Variants in ZC3H12B observed in about 807,000 individuals in gnomAD.
ZC3H12B encodes the protein probable ribonuclease ZC3H12B.
A neutral mutation model predicts 43.9 loss-of-function variants in ZC3H12B; 7 were observed. That is an observed-to-expected ratio of 0.16 (90% CI 0.09 to 0.30). The LOEUF is 0.30. Among genes scored for constraint, ZC3H12B ranks in the 10% least tolerant of loss-of-function variants. The pLI is 1.00. For synonymous variants in ZC3H12B, 222 were observed against 241.7 expected (o/e 0.92, Z 0.76); for missense variants, 475 against 670.2 (o/e 0.71, Z 3.22).
At chrX:65,454,164 C>T (rs971431722) in intron 3 of ZC3H12B, among the ~76,000 whole-genome samples, 3 of 112,666 alleles carry the variant, frequency 2.7e-5, no homozygotes, top group African/African-American at 9.7e-5. Context: ...GTGCAGTGCA[C>T]CAAGCCTGAG....
the ZC3H12B span, among the ~76,000 whole-genome samples, chrX:65,235,165 G>A: frequency 4.7e-4 from 52 of 111,716 alleles, no homozygotes; most frequent in East Asian, 0.01. Flanking sequence ...ATGCATGCAT[G>A]TATCTTTATA....
At chrX:65,052,449 T>C in the ZC3H12B span, among the ~76,000 whole-genome samples, 1 of 110,676 alleles carries the variant, frequency 9.0e-6, no homozygotes, top group African/African-American at 3.3e-5. Flanking sequence ...CCATTAAACA[T>C]ACCCACCTCC....
the ZC3H12B span, among the ~76,000 whole-genome samples, chrX:65,193,971 A>T: frequency 3.6e-5 from 4 of 110,684 alleles, no homozygotes; most frequent in Non-Finnish European, 7.6e-5. Context: ...CAGAAGGCAA[A>T]TGGGGAGCCA....
intron 2 of ZC3H12B, 29 bp from the exon 8 acceptor site, chrX:65,498,970 C>A (rs776231247): frequency 9.1e-7 from 1 of 1,095,777 alleles, no homozygotes; most frequent in Non-Finnish European, 1.3e-6. Flanking sequence ...ATGATTTCTG[C>A]TCTGTGGCAT....
the ZC3H12B span, among the ~76,000 whole-genome samples, chrX:65,253,228 G>T: frequency 6.2e-5 from 7 of 112,006 alleles, no homozygotes; most frequent in Non-Finnish European, 1.1e-4. Context: ...ACAGATGCTG[G>T]GCTGAAGGAG....
At chrX:65,252,470 A>G in the ZC3H12B span, among the ~76,000 whole-genome samples, 1 of 112,012 alleles carries the variant, frequency 8.9e-6, no homozygotes, top group Non-Finnish European at 1.9e-5. Flanking sequence ...ATTAATACAC[A>G]CAAAATCCCT....
intron 3 of ZC3H12B, among the ~76,000 whole-genome samples, chrX:65,477,242 G>A (rs949026826): frequency 9.1e-6 from 1 of 109,518 alleles, no homozygotes; most frequent in Non-Finnish European, 1.9e-5. Flanking sequence ...CCAAGGCAGG[G>A]TCATCAGGAG....
At chrX:65,180,986 T>C in the ZC3H12B span, among the ~76,000 whole-genome samples, 1 of 111,298 alleles carries the variant, frequency 9.0e-6, no homozygotes, top group African/African-American at 3.3e-5. Context: ...GGCACCACGC[T>C]ACCTGACTTC....
chrX:65,221,767 A>C, the ZC3H12B span, among the ~76,000 whole-genome samples: 1 of 111,516 alleles, frequency 9.0e-6, no homozygotes, highest in Non-Finnish European at 1.9e-5. Context: ...TCAGGCATTC[A>C]AAGAAGAATT....
chrX:65,441,317 C>T (rs1429407660), intron 3 of ZC3H12B, among the ~76,000 whole-genome samples: 2 of 112,029 alleles, frequency 1.8e-5, no homozygotes, highest in Non-Finnish European at 3.8e-5. Flanking sequence ...TTAAATTGAG[C>T]GAGATGAATT....
chrX:65,159,721 G>A, the ZC3H12B span, among the ~76,000 whole-genome samples: 1 of 111,857 alleles, frequency 8.9e-6, no homozygotes, highest in Admixed American at 9.5e-5. Context: ...GGGACAATTT[G>A]ACTCCCTCTT....
chrX:65,212,980 A>G, the ZC3H12B span, among the ~76,000 whole-genome samples: 1 of 107,020 alleles, frequency 9.3e-6, no homozygotes, highest in Non-Finnish European at 1.9e-5. Flanking sequence ...TAATGCCATT[A>G]TTTGTTTTTG....
At chrX:65,414,996 G>T (rs960974391) in intron 3 of ZC3H12B, among the ~76,000 whole-genome samples, 1 of 112,172 alleles carries the variant, frequency 8.9e-6, no homozygotes, top group Non-Finnish European at 1.9e-5. Flanking sequence ...CATGTGGTTG[G>T]GCTACAGCTT....
At chrX:65,194,882 ATCT>A in the ZC3H12B span, among the ~76,000 whole-genome samples, 1 of 111,972 alleles carries the variant, frequency 8.9e-6, no homozygotes, top group South Asian at 3.7e-4. Context: ...AAATTGTGAT[ATCT>A]TCTTCCTCAA....
At chrX:65,333,704 T>C in the ZC3H12B span, among the ~76,000 whole-genome samples, 1 of 111,546 alleles carries the variant, frequency 9.0e-6, no homozygotes, top group African/African-American at 3.3e-5. Flanking sequence ...GAAACCTGCA[T>C]TTAAAAACAC....
At chrX:65,418,850 A>T (rs1455289158) in intron 3 of ZC3H12B, among the ~76,000 whole-genome samples, 2 of 111,780 alleles carry the variant, frequency 1.8e-5, no homozygotes, top group Non-Finnish European at 3.8e-5. Flanking sequence ...GAACCCTGGT[A>T]TACTACTGAA....
the ZC3H12B span, among the ~76,000 whole-genome samples, chrX:65,216,184 G>A: frequency 8.9e-6 from 1 of 111,900 alleles, no homozygotes; most frequent in Non-Finnish European, 1.9e-5. Context: ...AGTGGTCACA[G>A]TATCTGGTTT....
chrX:65,078,560 T>C, the ZC3H12B span, among the ~76,000 whole-genome samples: 1 of 111,881 alleles, frequency 8.9e-6, no homozygotes, highest in Non-Finnish European at 1.9e-5. Context: ...CTAAATGTGA[T>C]TTGAGGATTG....
At chrX:65,241,017 A>G in the ZC3H12B span, among the ~76,000 whole-genome samples, 4 of 111,699 alleles carry the variant, frequency 3.6e-5, no homozygotes, top group African/African-American at 1.3e-4. Context: ...GCTCTCACCC[A>G]GTCAGGAGAG....
Sources: gnomAD v4.1 joint callset for allele counts (sites outside exome capture counted in the v4.1 genomes callset) on GRCh38, gnomAD v4.1.1 for gene constraint, MANE v1.5 for transcripts, NCBI Gene and HGNC (gene_info 2026-07-23, HGNC 2026-07-21) for gene names.